The following CFAP299 variants were observed in gnomAD, a reference collection of about 807,000 sequenced individuals.
The protein encoded by CFAP299 is cilia and flagella associated protein 299, also known as cilia- and flagella-associated protein 299.
A neutral mutation model predicts 27.0 loss-of-function variants in CFAP299; 21 were observed. The ratio of observed to expected loss-of-function variants is 0.78; its 90% CI spans 0.55 to 1.12. The LOEUF (loss-of-function observed/expected upper bound fraction) is 1.12. Among genes scored for constraint, CFAP299 ranks in the 50% most tolerant of loss-of-function variants. The pLI is 0.00. For synonymous variants in CFAP299, 104 were observed against 98.1 expected, an observed-to-expected ratio of 1.06 and a Z score of -0.36; for missense variants, 310 against 276.6, an observed-to-expected ratio of 1.12 and a Z score of -0.86.
At chr4:80,902,482 G>GGA (rs1560469756) in intron 4 of CFAP299, among the ~76,000 whole-genome samples, 4 of 114,228 alleles carry the variant, frequency 3.5e-5, no homozygotes, top group East Asian at 4.4e-4. Flanking sequence ...ATGTATATAT[G>GGA]TATATATACA....
intron 2 of CFAP299, among the ~76,000 whole-genome samples, chr4:80,508,655 C>T (rs1338069778): frequency 6.6e-6 from 1 of 152,074 alleles, no homozygotes; most frequent in Non-Finnish European, 1.5e-5. Context: ...ACCTTCCAGG[C>T]TTAAGTGATT....
intron 3 of CFAP299, among the ~76,000 whole-genome samples, chr4:80,752,905 A>T (rs1725017910): frequency 2.0e-5 from 3 of 152,082 alleles, no homozygotes; most frequent in Non-Finnish European, 1.5e-5. Flanking sequence ...CTTACAACAG[A>T]TTATTTCAAA....
intron 3 of CFAP299, among the ~76,000 whole-genome samples, chr4:80,673,415 A>G (rs1178441669): frequency 3.3e-5 from 5 of 152,060 alleles, no homozygotes; most frequent in Non-Finnish European, 7.4e-5. Context: ...TTGCTGAGGC[A>G]TGCTTTACTT....
At chr4:80,650,540 C>T (rs1740228928) in intron 3 of CFAP299, among the ~76,000 whole-genome samples, 1 of 152,052 alleles carries the variant, frequency 6.6e-6, no homozygotes, top group African/African-American at 2.4e-5. Flanking sequence ...GGCACTTAAA[C>T]TTTTTAAAGA....
intron 3 of CFAP299, among the ~76,000 whole-genome samples, chr4:80,731,588 C>G (rs1017357505): frequency 3.3e-5 from 5 of 152,158 alleles, no homozygotes; most frequent in African/African-American, 1.2e-4. Flanking sequence ...CAGTGCAACT[C>G]CATCTGCTCA....
At chr4:80,388,788 C>T (rs1725173294) in intron 2 of CFAP299, 2 of 456,558 alleles carry the variant, frequency 4.4e-6, no homozygotes, top group East Asian at 3.6e-5. Flanking sequence ...TGCTGTTAGT[C>T]ATACCTGCAA....
At chr4:80,659,594 G>T (rs1577985070) in intron 3 of CFAP299, among the ~76,000 whole-genome samples, 1 of 152,074 alleles carries the variant, frequency 6.6e-6, no homozygotes, top group Non-Finnish European at 1.5e-5. Context: ...GAGAGATCAT[G>T]TATAACTCAC....
intron 2 of CFAP299, among the ~76,000 whole-genome samples, chr4:80,563,598 G>C (rs1337128336): frequency 6.6e-6 from 1 of 151,662 alleles, no homozygotes; most frequent in Non-Finnish European, 1.5e-5. Context: ...ACAAAAGAGG[G>C]AAAACTTCAA....
chr4:80,816,043 A>G (rs1578151290), intron 3 of CFAP299, among the ~76,000 whole-genome samples: 1 of 152,160 alleles, frequency 6.6e-6, no homozygotes, highest in East Asian at 1.9e-4. Flanking sequence ...GAAAACTATT[A>G]CATATGTATT....
intron 3 of CFAP299, among the ~76,000 whole-genome samples, chr4:80,751,259 G>A (rs1461942808): frequency 2.0e-5 from 3 of 152,200 alleles, no homozygotes; most frequent in Non-Finnish European, 4.4e-5. Context: ...CCTGTAGGAG[G>A]TGGCTGGGGA....
chr4:80,674,093 G>A (rs577712844), intron 3 of CFAP299, among the ~76,000 whole-genome samples: 110 of 152,298 alleles, frequency 7.2e-4, no homozygotes, highest in African/African-American at 2.5e-3. Context: ...TTGCCCGTTA[G>A]TTGATGCAGT....
chr4:80,812,249 T>G (rs1171571789), intron 3 of CFAP299, among the ~76,000 whole-genome samples: 1 of 152,126 alleles, frequency 6.6e-6, no homozygotes, highest in East Asian at 1.9e-4. Context: ...TCAACTCTTA[T>G]GTGCCATAGC....
At chr4:80,574,568 C>G (rs1400703251) in intron 2 of CFAP299, among the ~76,000 whole-genome samples, 2 of 152,048 alleles carry the variant, frequency 1.3e-5, no homozygotes, top group Non-Finnish European at 2.9e-5. Flanking sequence ...CAATTTTTCC[C>G]CATTAAGTAT....
intron 2 of CFAP299, among the ~76,000 whole-genome samples, chr4:80,560,346 C>T (rs1221801320): frequency 6.6e-6 from 1 of 151,872 alleles, no homozygotes; most frequent in Non-Finnish European, 1.5e-5. Flanking sequence ...TGGTGAGCCT[C>T]TAGACTTGCT....
At chr4:80,962,783 T>C (rs1738409951) in intron 5 of CFAP299, among the ~76,000 whole-genome samples, 1 of 151,932 alleles carries the variant, frequency 6.6e-6, no homozygotes, top group Non-Finnish European at 1.5e-5. Flanking sequence ...ACATCAAATA[T>C]ACAAAAGGCC....
intron 3 of CFAP299, among the ~76,000 whole-genome samples, chr4:80,705,738 A>G (rs908179780): frequency 6.6e-6 from 1 of 151,904 alleles, no homozygotes; most frequent in Admixed American, 6.6e-5. Flanking sequence ...AAATTAAAAA[A>G]TCAGCAATTA....
the CFAP299 span, among the ~76,000 whole-genome samples, chr4:80,330,688 A>G: frequency 2.6e-5 from 4 of 152,188 alleles, no homozygotes; most frequent in Non-Finnish European, 5.9e-5. Flanking sequence ...TCTCTTTATC[A>G]AAAAGAATTC....
chr4:80,571,457 GA>G lies in CFAP299; in HGVS notation c.243-11629del, dbSNP rs201601251. 5.8e-3 allele frequency among the ~76,000 whole-genome samples: 879 copies of G among 151,970 alleles called. 8 individuals carry two copies. The highest frequency in any genetic ancestry group is 0.019 in the African/African-American group (771 of 41,456). Reference sequence around the variant, plus strand: ...AATGCTCTAATTTAGCTCACATGATGAAAAAAACTTGAAGTAGTTTCAAGTT... The same window carrying G: ...AATGCTCTAATTTAGCTCACATGATGAAAAAACTTGAAGTAGTTTCAAGTT... On this transcript the variant is annotated intron_variant, in intron 2 of 5. Transcript: ENST00000358105.
At chr4:80,571,991 A>G (rs1349129949) in intron 2 of CFAP299, among the ~76,000 whole-genome samples, 7 of 152,226 alleles carry the variant, frequency 4.6e-5, no homozygotes, top group South Asian at 2.1e-4. Context: ...TAAAGATTCA[A>G]TAGCATTACA....
Sources: gnomAD v4.1 joint callset for allele counts (sites outside exome capture counted in the v4.1 genomes callset) on GRCh38, gnomAD v4.1.1 for gene constraint, MANE v1.5 for transcripts, NCBI Gene and HGNC (gene_info 2026-07-23, HGNC 2026-07-21) for gene names.